The following LARGE1 variants were observed in gnomAD, a reference collection of about 807,000 sequenced individuals.
LARGE1 encodes xylosyl- and glucuronyltransferase LARGE1.
Under a neutral mutation model 87.6 loss-of-function variants are expected in LARGE1, and 43 were observed. The observed-to-expected ratio is 0.49, with a 90% CI of 0.38 to 0.63. LARGE1 has a LOEUF of 0.63. LARGE1 is among the 30% of genes least tolerant of loss of function. The pLI is 0.00. For synonymous variants in LARGE1, 434 were observed against 394.6 expected (o/e 1.10, Z -1.18); for missense variants, 802 against 1,000.2 (o/e 0.80, Z 2.67).
intron 6 of LARGE1, among the ~76,000 whole-genome samples, chr22:33,508,340 T>G (rs942648262): frequency 1.3e-5 from 2 of 152,196 alleles, no homozygotes; most frequent in Non-Finnish European, 2.9e-5. Flanking sequence ...AAGGAGCACA[T>G]GGATCAAAGG....
chr22:33,784,000 T>C (rs182201795), intron 1 of LARGE1, among the ~76,000 whole-genome samples: 1 of 152,242 alleles, frequency 6.6e-6, no homozygotes, highest in African/African-American at 2.4e-5. Context: ...TCTCTCTTTC[T>C]TTTTTCTTTT....
chr22:33,079,830 G>A, the LARGE1 span, among the ~76,000 whole-genome samples: 779 of 152,206 alleles, frequency 5.1e-3, 6 homozygotes, highest in African/African-American at 0.018. Context: ...GAAGAAGGAA[G>A]GAAAAGATGA....
intron 6 of LARGE1, among the ~76,000 whole-genome samples, chr22:33,515,164 T>C (rs903376264): frequency 6.6e-6 from 1 of 151,216 alleles, no homozygotes; most frequent in Non-Finnish European, 1.5e-5. Context: ...AAAGAATGAA[T>C]GCTGCATGAT....
intron 4 of LARGE1, among the ~76,000 whole-genome samples, chr22:33,610,728 A>G (rs1342751105): frequency 1.3e-5 from 2 of 152,150 alleles, no homozygotes; most frequent in African/African-American, 2.4e-5. Context: ...AGACAATGGG[A>G]AAAAGGCCCT....
At chr22:33,092,557 C>T in the LARGE1 span, among the ~76,000 whole-genome samples, 1 of 152,094 alleles carries the variant, frequency 6.6e-6, no homozygotes, top group African/African-American at 2.4e-5. Context: ...CACCCATCAA[C>T]CCATTAGCTA....
chr22:33,746,441 G>C (rs2084086772), intron 2 of LARGE1: 1 of 152,062 alleles, frequency 6.6e-6, no homozygotes, highest in Non-Finnish European at 1.5e-5. Context: ...TAAGGATTCG[G>C]AGATGACTAC....
chr22:33,548,809 A>G (rs182623857), intron 6 of LARGE1, among the ~76,000 whole-genome samples: 2 of 152,348 alleles, frequency 1.3e-5, no homozygotes, highest in East Asian at 3.9e-4. Context: ...TAAAATTTAA[A>G]AAGAGGATTA....
At chr22:33,854,435 A>G (rs1257047914) in intron 1 of LARGE1, among the ~76,000 whole-genome samples, 1 of 152,124 alleles carries the variant, frequency 6.6e-6, no homozygotes, top group Non-Finnish European at 1.5e-5. Context: ...ACCTTTCACC[A>G]TCGGCTCACA....
chr22:33,822,321 C>T (rs759864612), intron 1 of LARGE1, among the ~76,000 whole-genome samples: 1 of 152,146 alleles, frequency 6.6e-6, no homozygotes, highest in Non-Finnish European at 1.5e-5. Context: ...AGGTTTCTGG[C>T]CGGCATCTGA....
chr22:33,291,687 TA>T (rs796078466), intron 12 of LARGE1, among the ~76,000 whole-genome samples: 1,794 of 143,560 alleles, frequency 0.012, 30 homozygotes, highest in African/African-American at 0.036. Context: ...ACATAATGAT[TA>T]AAAAAAAAAA....
intron 2 of LARGE1, among the ~76,000 whole-genome samples, chr22:33,680,126 A>G (rs1314875857): frequency 6.6e-6 from 1 of 152,180 alleles, no homozygotes; most frequent in Non-Finnish European, 1.5e-5. Context: ...TTCAGGTCAT[A>G]CATCCAGTTT....
intron 1 of LARGE1, 127 bp downstream of exon 1, chr22:33,919,868 G>C (rs1333754309): frequency 6.6e-6 from 1 of 152,280 alleles, no homozygotes; most frequent in Non-Finnish European, 1.5e-5. Flanking sequence ...CGGGGCAGCA[G>C]AGGGTGTGCC....
At chr22:33,249,078 G>A (rs751973032) in intron 11 of LARGE1, among the ~76,000 whole-genome samples, 2 of 152,216 alleles carry the variant, frequency 1.3e-5, no homozygotes, top group Non-Finnish European at 2.9e-5. Context: ...ATACCAAGGA[G>A]TGTAATTGCT....
intron 9 of LARGE1, among the ~76,000 whole-genome samples, chr22:33,381,598 C>A (rs906280225): frequency 6.6e-6 from 1 of 152,108 alleles, no homozygotes; most frequent in Non-Finnish European, 1.5e-5. Flanking sequence ...ACAGAGTAGG[C>A]CCTCAATAAA....
intron 9 of LARGE1, among the ~76,000 whole-genome samples, chr22:33,380,167 A>G (rs2065113319): frequency 6.6e-6 from 1 of 152,188 alleles, no homozygotes; most frequent in African/African-American, 2.4e-5. Flanking sequence ...GCATTTTTAC[A>G]TATTCTTTAC....
intron 4 of LARGE1, among the ~76,000 whole-genome samples, chr22:33,620,137 T>G (rs1184848681): frequency 6.6e-6 from 1 of 152,160 alleles, no homozygotes; most frequent in Non-Finnish European, 1.5e-5. Context: ...GCTCTTTTAT[T>G]CACCACGTCC....
At chr22:33,221,318 C>T (rs1036231560) in intron 11 of LARGE1, among the ~76,000 whole-genome samples, 4 of 151,968 alleles carry the variant, frequency 2.6e-5, no homozygotes, top group South Asian at 2.1e-4. Context: ...GGTTTTTTTC[C>T]GTATCTCAAT....
intron 1 of LARGE1, among the ~76,000 whole-genome samples, chr22:33,807,432 C>A (rs998977822): frequency 6.6e-6 from 1 of 152,076 alleles, no homozygotes; most frequent in African/African-American, 2.4e-5. Flanking sequence ...TCCCATATAC[C>A]TCCTGCTCCC....
intron 2 of LARGE1, among the ~76,000 whole-genome samples, chr22:33,743,554 A>C (rs1487647507): frequency 6.6e-6 from 1 of 152,032 alleles, no homozygotes; most frequent in Non-Finnish European, 1.5e-5. Flanking sequence ...ACCACCATCT[A>C]AGTTCAGGTC....
Sources: gnomAD v4.1 joint callset for allele counts (sites outside exome capture counted in the v4.1 genomes callset) on GRCh38, gnomAD v4.1.1 for gene constraint, MANE v1.5 for transcripts, NCBI Gene and HGNC (gene_info 2026-07-23, HGNC 2026-07-21) for gene names.